Variants in LARGE1 observed in about 807,000 individuals in gnomAD.
LARGE1 encodes the protein LARGE xylosyl- and glucuronyltransferase 1, also known as xylosyl- and glucuronyltransferase LARGE1.
LARGE1 carries 43 observed loss-of-function variants against 87.6 expected under a neutral mutation model. The observed-to-expected ratio is 0.49, with a 90% confidence interval of 0.38 to 0.63. The LOEUF (loss-of-function observed/expected upper bound fraction) is 0.63. Among genes scored for constraint, LARGE1 ranks in the 30% least tolerant of loss-of-function variants. LARGE1 has a pLI of 0.00. For synonymous variants in LARGE1, 434 were observed against 394.6 expected (o/e 1.10, Z -1.18); for missense variants, 802 against 1,000.2 (o/e 0.80, Z 2.67).
chr22:33,698,654 A>G (rs2082324101), intron 2 of LARGE1, among the ~76,000 whole-genome samples: 1 of 152,154 alleles, frequency 6.6e-6, no homozygotes, highest in Non-Finnish European at 1.5e-5. Flanking sequence ...ATTTCAGCTC[A>G]GCTACATCCC....
intron 11 of LARGE1, among the ~76,000 whole-genome samples, chr22:33,259,035 A>G (rs1927472337): frequency 6.6e-6 from 1 of 151,732 alleles, no homozygotes; most frequent in South Asian, 2.1e-4. Context: ...CCGCCACCAC[A>G]CCTGGCTAAT....
intron 1 of LARGE1, among the ~76,000 whole-genome samples, chr22:33,766,097 CAAG>C (rs2084892016): frequency 6.6e-6 from 1 of 152,150 alleles, no homozygotes; most frequent in African/African-American, 2.4e-5. Flanking sequence ...GAAATCAACA[CAAG>C]AAGAACGGAA....
In LARGE1 at chr22:33,564,935, T is replaced by C. The variant is rs115349386; in HGVS notation, c.700A>G (p.Asn234Asp). Residue 234 changes from asparagine to aspartate, a missense_variant, in exon 6 of 15, where the codon AAC becomes GAC. Physicochemically the swap from Asn to Asp is conservative, Grantham distance 23. Coordinates refer to ENST00000397394, the MANE Select transcript of LARGE1 (RefSeq NM_133642.5). ...TCAAGGACGATGACTCTCTCCAGGT[T>C]GGCAGGAAGAGTCTTGGTCAGGACA... is the stretch of plus-strand genomic sequence containing the variant. ...KLVLTKTLPA[N>D]LERVIVLDTD... 2 of 1,614,082 alleles carry C rather than the reference T, an allele frequency of 1.2e-6. No individual in the cohort carries two copies. Among genetic ancestry groups the C allele is most frequent in the African/African-American group, 2.7e-5 (2 of 75,064 alleles).
intron 9 of LARGE1, among the ~76,000 whole-genome samples, chr22:33,376,278 G>A (rs1452353639): frequency 6.6e-6 from 1 of 152,196 alleles, no homozygotes; most frequent in African/African-American, 2.4e-5. Flanking sequence ...CTGTTTTCAA[G>A]TTCTTGTTAT....
At chr22:33,516,438 G>A (rs1569230624) in intron 6 of LARGE1, among the ~76,000 whole-genome samples, 1 of 151,914 alleles carries the variant, frequency 6.6e-6, no homozygotes, top group South Asian at 2.1e-4. Flanking sequence ...TCACCATTTT[G>A]AAACTCCTAA....
chr22:33,391,770 T>A (rs958962834), intron 7 of LARGE1, among the ~76,000 whole-genome samples: 4 of 69,604 alleles, frequency 5.7e-5, no homozygotes, highest in African/African-American at 1.9e-4. Flanking sequence ...TTTTCCTTTT[T>A]TTTTTTTTTT....
chr22:33,457,737 G>A (rs1345696769), intron 6 of LARGE1, among the ~76,000 whole-genome samples: 3 of 152,166 alleles, frequency 2.0e-5, no homozygotes, highest in African/African-American at 7.2e-5. Flanking sequence ...TACAAGGGAG[G>A]CAGCATTTGT....
intron 9 of LARGE1, among the ~76,000 whole-genome samples, chr22:33,358,285 TC>T (rs1325848042): frequency 5.2e-5 from 5 of 95,290 alleles, no homozygotes; most frequent in Non-Finnish European, 8.5e-5. Context: ...TTAGATCTTC[TC>T]CCCCAAAACC....
At chr22:33,824,378 AAG>A (rs2062721854) in intron 1 of LARGE1, among the ~76,000 whole-genome samples, 3 of 152,312 alleles carry the variant, frequency 2.0e-5, no homozygotes, top group South Asian at 2.1e-4. Context: ...TGGAAGGAGA[AAG>A]AGAGAGCAAA....
chr22:33,443,282 A>T (rs2147843797), intron 6 of LARGE1, among the ~76,000 whole-genome samples: 1 of 152,274 alleles, frequency 6.6e-6, no homozygotes, highest in Admixed American at 6.5e-5. Context: ...TCACACCTAC[A>T]CTTATGGTTA....
At chr22:33,844,413 G>C (rs2063370542) in intron 1 of LARGE1, among the ~76,000 whole-genome samples, 1 of 152,162 alleles carries the variant, frequency 6.6e-6, no homozygotes, top group Non-Finnish European at 1.5e-5. Flanking sequence ...CATGCAGTAA[G>C]TGCATCTCCA....
At chr22:33,302,574 G>A (rs965741636) in intron 12 of LARGE1, among the ~76,000 whole-genome samples, 2 of 152,134 alleles carry the variant, frequency 1.3e-5, no homozygotes, top group South Asian at 2.1e-4. Context: ...TTGGCTTCCC[G>A]ACAGAAAGTT....
intron 2 of LARGE1, among the ~76,000 whole-genome samples, chr22:33,654,964 A>G (rs947526822): frequency 2.7e-4 from 41 of 152,336 alleles, no homozygotes; most frequent in Admixed American, 2.4e-3. Context: ...ACTGGTCTAC[A>G]CTACGTTAAT....
At chr22:33,596,115 A>C (rs1253192785) in intron 5 of LARGE1, among the ~76,000 whole-genome samples, 1 of 152,240 alleles carries the variant, frequency 6.6e-6, no homozygotes, top group African/African-American at 2.4e-5. Flanking sequence ...GTTCCTTTCT[A>C]ATTAAGATTC....
At chr22:33,195,229 G>A (rs1395670201) in intron 11 of LARGE1, among the ~76,000 whole-genome samples, 1 of 152,088 alleles carries the variant, frequency 6.6e-6, no homozygotes, top group African/African-American at 2.4e-5. Flanking sequence ...AAAGGGGTAA[G>A]TTGACAACTC....
chr22:33,595,796 T>C (rs1466757206), intron 5 of LARGE1, among the ~76,000 whole-genome samples: 1 of 152,150 alleles, frequency 6.6e-6, no homozygotes, highest in Non-Finnish European at 1.5e-5. Flanking sequence ...TGAACATAAA[T>C]GTTACAGACC....
At position 33,883,099 on chromosome 22, in the gene LARGE1, C is replaced by T. The variant is rs573086582; in HGVS notation, c.-83+36896G>A. ...GATGCCAATGCCGGAGAAGTCTGTG[C>T]GGCAGGAAGCTGCTGTTATCTTTAC... On this transcript the variant is annotated intron_variant, in intron 1 of 14. Transcript: ENST00000397394. 5.9e-5 allele frequency among the ~76,000 whole-genome samples: 9 copies of T among 152,216 alleles called. No individual in the cohort carries two copies. The East Asian group carries it at 7.7e-4, about 13-fold the overall frequency.
At chr22:33,071,369 G>C in the LARGE1 span, among the ~76,000 whole-genome samples, 1 of 152,176 alleles carries the variant, frequency 6.6e-6, no homozygotes, top group Non-Finnish European at 1.5e-5. Context: ...GGATTCAGTA[G>C]GTAGGAGATG....
chr22:33,180,362 C>T (rs762463809), intron 11 of LARGE1, among the ~76,000 whole-genome samples: 2 of 152,168 alleles, frequency 1.3e-5, no homozygotes, highest in African/African-American at 4.8e-5. Flanking sequence ...CAAATCAAAA[C>T]CACGATTAGA....
Sources: allele counts gnomAD v4.1 joint callset (sites outside exome capture counted in the v4.1 genomes callset), GRCh38; gene constraint gnomAD v4.1.1; transcripts MANE v1.5; gene names NCBI Gene and HGNC (gene_info 2026-07-23, HGNC 2026-07-21).